The following GATAD2A variants were observed in gnomAD, a reference collection of about 807,000 sequenced individuals.
The protein encoded by GATAD2A is transcriptional repressor p66-alpha.
A neutral mutation model predicts 68.5 loss-of-function variants in GATAD2A; 12 were observed. The ratio of observed to expected loss-of-function variants is 0.18; its 90% CI spans 0.11 to 0.28. The LOEUF (loss-of-function observed/expected upper bound fraction) is 0.28. Ranked by LOEUF, GATAD2A falls within the 10% of genes least tolerant of loss-of-function variation. The pLI, the probability that GATAD2A is intolerant of heterozygous loss-of-function variation, is 1.00. For synonymous variants in GATAD2A, 410 were observed against 375.3 expected (o/e 1.09, Z -1.07); for missense variants, 755 against 868.5 (o/e 0.87, Z 1.64).
intron 1 of GATAD2A, among the ~76,000 whole-genome samples, chr19:19,459,227 A>G (rs1267875088): frequency 1.3e-5 from 2 of 152,190 alleles, no homozygotes; most frequent in Non-Finnish European, 2.9e-5. Flanking sequence ...TAAAGAATTC[A>G]AGCAATACAG....
intron 1 of GATAD2A, among the ~76,000 whole-genome samples, chr19:19,451,688 C>T (rs1429857543): frequency 6.6e-6 from 1 of 152,180 alleles, no homozygotes; most frequent in Non-Finnish European, 1.5e-5. Context: ...GGCTCCTTCA[C>T]ATGCTCTACA....
chr19:19,462,909 G>T lies in GATAD2A; in HGVS notation c.-6-2431G>T, dbSNP rs575158386. On this transcript the variant is annotated intron_variant, in intron 1 of 11. Coordinates refer to ENST00000683918, the MANE Select transcript of GATAD2A (RefSeq NM_001384528.1). ...ACTGAGCCCAGAGCTTACAGGGTGG[G>T]AGGCTGTGCTGGGAGGGGCCCTGCC... Among the ~76,000 whole-genome samples, 6 of 152,306 alleles carry T rather than the reference G, an allele frequency of 3.9e-5. No individual in the cohort carries two copies. In the East Asian group the frequency reaches 1.2e-3, roughly 29 times the overall value.
chr19:19,495,444 G>A (rs2060079121), intron 5 of GATAD2A, among the ~76,000 whole-genome samples: 1 of 151,516 alleles, frequency 6.6e-6, no homozygotes, highest in Non-Finnish European at 1.5e-5. Context: ...GAGTAGCTGG[G>A]ACTACAGGCA....
Position 19,495,792 on chromosome 19 carries a change from G to A in GATAD2A, c.663G>A (p.Pro221=), listed in dbSNP as rs138960473. Residue 221 remains proline (P), a synonymous_variant, in exon 6 of 12, where the codon CCG becomes CCA. Transcript: ENST00000683918. ...SARMPGSVIP[P]PLVRGGQQAS... ...GGATGCCCGGCAGTGTCATACCCCC[G>A]CCCCTGGTCCGAGGTGGGCAGCAGG... 9.3e-6 allele frequency: 15 copies of A among 1,613,354 alleles called. No homozygotes were observed. Among genetic ancestry groups the A allele is most frequent in the Admixed American group, 3.3e-5 (2 of 59,976 alleles).
intron 1 of GATAD2A, among the ~76,000 whole-genome samples, chr19:19,439,080 GGGAGCAGGGCC>G (rs1316749013): frequency 7.9e-5 from 12 of 152,378 alleles, no homozygotes; most frequent in Admixed American, 7.2e-4. Context: ...GCACAGTGGA[GGGAGCAGGGCC>G]GGAGGAGGGC....
At position 19,432,841 on chromosome 19, in the gene GATAD2A, G is replaced by A. The variant is rs1199471369; in HGVS notation, c.-7+26822G>A. On this transcript the variant is annotated intron_variant, in intron 1 of 11. Coordinates refer to ENST00000683918, the MANE Select transcript of GATAD2A (RefSeq NM_001384528.1). ...TGTGTGGGCCTCTGGGGTTAGGAGA[G>A]GATGGGCTTCACTCTGAGTGAACTT... 4.6e-5 allele frequency among the ~76,000 whole-genome samples: 7 copies of A among 152,204 alleles called. No homozygotes were observed. The South Asian group carries it at 6.2e-4, about 13-fold the overall frequency.
At chr19:19,492,218 G>A (rs2059843151) in intron 2 of GATAD2A, 88 bp from the exon 3 acceptor site, 2 of 1,352,054 alleles carry the variant, frequency 1.5e-6, no homozygotes, top group African/African-American at 2.9e-5. Context: ...AGACGGGGAG[G>A]TCTCAGCTCC....
intron 1 of GATAD2A, among the ~76,000 whole-genome samples, chr19:19,414,451 C>T (rs558745128): frequency 6.6e-6 from 1 of 150,588 alleles, no homozygotes; most frequent in South Asian, 2.1e-4. Flanking sequence ...GTCTTTGTGG[C>T]TTGGTGAATT....
At chr19:19,425,147 A>G (rs2052924491) in intron 1 of GATAD2A, among the ~76,000 whole-genome samples, 1 of 152,086 alleles carries the variant, frequency 6.6e-6, no homozygotes, top group Non-Finnish European at 1.5e-5. Flanking sequence ...GCATTAAGTG[A>G]ACAAAACCCA....
chr19:19,469,504 T>G (rs2058115613), intron 2 of GATAD2A, among the ~76,000 whole-genome samples: 1 of 151,952 alleles, frequency 6.6e-6, no homozygotes, highest in African/African-American at 2.4e-5. Context: ...AGAAGGCAGT[T>G]TCTTTATTCA....
chr19:19,445,354 G>A (rs947502245), intron 1 of GATAD2A, among the ~76,000 whole-genome samples: 1 of 152,124 alleles, frequency 6.6e-6, no homozygotes, highest in Non-Finnish European at 1.5e-5. Flanking sequence ...CATGGCTATT[G>A]GAATTAGTAT....
chr19:19,436,226 G>T (rs770425319), intron 1 of GATAD2A: 1 of 1,346,714 alleles, frequency 7.4e-7, no homozygotes, highest in African/African-American at 1.5e-5. Context: ...CCAGGTGAGT[G>T]CTTGGGGTGT....
Position 19,386,611 on chromosome 19 carries a change from G to A in GATAD2A, c.-7+473G>A, listed in dbSNP as rs576568303. Among the ~76,000 whole-genome samples, 4 of 151,798 alleles carry A rather than the reference G, an allele frequency of 2.6e-5. No individual in the cohort carries two copies. In the South Asian group the frequency reaches 8.3e-4, roughly 32 times the overall value. ...CTAGAGGATCCGTGCCTTTCTAGAG[G>A]ATCCCCACCTCTCTAGGGGACCCCG... On this transcript the variant is annotated intron_variant, in intron 1 of 11. Coordinates refer to the GATAD2A transcript ENST00000360315.
At chr19:19,409,381 G>A (rs1213796364) in intron 1 of GATAD2A, among the ~76,000 whole-genome samples, 1 of 152,162 alleles carries the variant, frequency 6.6e-6, no homozygotes, top group Non-Finnish European at 1.5e-5. Context: ...GGGTAATAGA[G>A]CATCCCTGGG....
chr19:19,406,586 C>T (rs960055563), intron 1 of GATAD2A, among the ~76,000 whole-genome samples: 7 of 152,202 alleles, frequency 4.6e-5, no homozygotes, highest in Admixed American at 1.3e-4. Context: ...GACCCTTTCC[C>T]CTCTCTGATC....
chr19:19,469,063 T>C (rs993286132), intron 2 of GATAD2A, among the ~76,000 whole-genome samples: 6 of 152,210 alleles, frequency 3.9e-5, no homozygotes, highest in Admixed American at 2.6e-4. Context: ...ATCAGTCTTA[T>C]ATAGATTGTG....
At chr19:19,399,058 CAAAA>C (rs1212742307) in intron 1 of GATAD2A, among the ~76,000 whole-genome samples, 2 of 146,406 alleles carry the variant, frequency 1.4e-5, no homozygotes, top group Non-Finnish European at 3.0e-5. Context: ...GACTCCGTCT[CAAAA>C]AAAAAGCAAA....
chr19:19,492,829 C>G (rs1297738392), intron 4 of GATAD2A, 117 bp downstream of exon 4: 2 of 920,538 alleles, frequency 2.2e-6, no homozygotes, highest in Non-Finnish European at 3.3e-6. Context: ...GAGTATAGGG[C>G]AAGGTCCCAC....
In GATAD2A at chr19:19,425,915, G is replaced by A. The variant is rs2053031722; in HGVS notation, c.-7+19896G>A. Among the ~76,000 whole-genome samples, 5 of 151,970 alleles carry A rather than the reference G, an allele frequency of 3.3e-5. 1 individual carries two copies. The South Asian group carries it at 8.3e-4, about 25-fold the overall frequency. The stretch of plus-strand genomic sequence containing the variant: ...AGGCATCTTCCCATGTCAGCCTCTA[G>A]CGTAGCTGGGACTACAGGTGCTCCG... On this transcript the variant is annotated intron_variant, in intron 1 of 11. Coordinates refer to ENST00000683918, the MANE Select transcript of GATAD2A (RefSeq NM_001384528.1).
Sources: allele counts gnomAD v4.1 joint callset (sites outside exome capture counted in the v4.1 genomes callset), GRCh38; gene constraint gnomAD v4.1.1; transcripts MANE v1.5; gene names NCBI Gene and HGNC (gene_info 2026-07-23, HGNC 2026-07-21).